CACNB2: variants seen among roughly 807,000 people sequenced by gnomAD.
The protein encoded by CACNB2 is calcium voltage-gated channel auxiliary subunit beta 2.
A neutral mutation model predicts 73.3 loss-of-function variants in CACNB2; 42 were observed. The observed-to-expected ratio is 0.57, with a 90% CI of 0.45 to 0.74. The LOEUF is 0.74. Ranked by LOEUF, CACNB2 falls within the 30% of genes least tolerant of loss-of-function variation. The pLI is 0.00. For missense variants in CACNB2, 940 were observed against 853.0 expected, an observed-to-expected ratio of 1.10 and a Z score of -1.27; for synonymous variants, 348 against 310.3, an observed-to-expected ratio of 1.12 and a Z score of -1.28.
At chr10:18,370,837 A>G (rs767884111) in intron 2 of CACNB2, among the ~76,000 whole-genome samples, 25 of 152,242 alleles carry the variant, frequency 1.6e-4, no homozygotes, top group Non-Finnish European at 2.6e-4. Flanking sequence ...ACGCAGGCAC[A>G]TATTTGTATA....
At chr10:18,458,763 C>CTTTTT (rs371122031) in intron 3 of CACNB2, among the ~76,000 whole-genome samples, 3 of 122,624 alleles carry the variant, frequency 2.4e-5, no homozygotes, top group African/African-American at 6.0e-5. Flanking sequence ...GTAAGGTGAA[C>CTTTTT]TTTTTTTTTT....
chr10:18,267,411 G>T (rs2037859919), intron 2 of CACNB2, among the ~76,000 whole-genome samples: 1 of 152,112 alleles, frequency 6.6e-6, no homozygotes, highest in Non-Finnish European at 1.5e-5. Flanking sequence ...TTCAAGACCA[G>T]CCTGGCCAAC....
intron 3 of CACNB2, among the ~76,000 whole-genome samples, chr10:18,421,484 G>A (rs1212517780): frequency 6.6e-6 from 1 of 151,938 alleles, no homozygotes; most frequent in African/African-American, 2.4e-5. Flanking sequence ...TTTTTTAGTA[G>A]AGACAGAGTT....
rs1433168659 is a variant in CACNB2, at chr10:18,220,201, G to A, written c.213+69226G>A. Among the ~76,000 whole-genome samples the A allele has an allele frequency of 8.1e-4, 19 of 23,318 alleles. 2 individuals are homozygous for A. Among genetic ancestry groups the A allele is most frequent in the African/African-American group, 3.6e-3 (13 of 3,632 alleles). The allele number at this position is 23,318 out of a possible 152,430, so 15.3% of individuals were successfully genotyped here. On this transcript the variant is annotated intron_variant, in intron 2 of 13. Coordinates refer to ENST00000324631, the MANE Select transcript of CACNB2 (RefSeq NM_201596.3). ...CATATATATACATATATATGTGTGT[G>A]TATATATATATATATATATATATAT...
intron 2 of CACNB2, among the ~76,000 whole-genome samples, chr10:18,289,657 T>A (rs1179433899): frequency 2.0e-5 from 3 of 152,174 alleles, no homozygotes; most frequent in African/African-American, 7.2e-5. Flanking sequence ...GAGAACATTT[T>A]CAGCAAATGG....
chr10:18,492,184 C>T (rs1306169415), intron 3 of CACNB2, among the ~76,000 whole-genome samples: 3 of 152,118 alleles, frequency 2.0e-5, no homozygotes, highest in East Asian at 1.9e-4. Flanking sequence ...GAGAACAGCA[C>T]CAAAGGGGAA....
intron 2 of CACNB2, among the ~76,000 whole-genome samples, chr10:18,157,404 G>C (rs757593387): frequency 6.6e-6 from 1 of 152,094 alleles, no homozygotes; most frequent in Admixed American, 6.5e-5. Context: ...CTCAAAATTA[G>C]GTGTAAGGAT....
intron 3 of CACNB2, among the ~76,000 whole-genome samples, chr10:18,463,330 C>T (rs2047682756): frequency 6.6e-6 from 1 of 151,928 alleles, no homozygotes; most frequent in South Asian, 2.1e-4. Context: ...TCAAGATCAG[C>T]CTGGACAATA....
In CACNB2 at chr10:18,543,043, G is replaced by A. The variant is rs2054132997; in HGVS notation, c.*3319G>A. On this transcript the variant is annotated 3_prime_UTR_variant, in exon 14 of 14. Coordinates refer to ENST00000324631, the MANE Select transcript of CACNB2 (RefSeq NM_201596.3). Reference sequence around the variant, plus strand: ...CCACATTTTTAACATGGTCTGCTATGCATTCCTGTTAAACATTCACTGTCA... The same window carrying A: ...CCACATTTTTAACATGGTCTGCTATACATTCCTGTTAAACATTCACTGTCA... 1 of 152,042 alleles carries A rather than the reference G, an allele frequency of 6.6e-6. No homozygotes were observed. Among genetic ancestry groups the A allele is most frequent in the African/African-American group, 2.4e-5 (1 of 41,422 alleles). 9.4% of individuals were successfully genotyped at this position (152,042 alleles called of 1,614,324 possible).
chr10:18,449,617 TAC>T (rs2132596846), intron 3 of CACNB2, among the ~76,000 whole-genome samples: 1 of 152,352 alleles, frequency 6.6e-6, no homozygotes, highest in South Asian at 2.1e-4. Flanking sequence ...ATCTCCATTT[TAC>T]AGTTAAAGAA....
At chr10:18,322,648 T>C (rs1397925004) in intron 2 of CACNB2, among the ~76,000 whole-genome samples, 3 of 152,150 alleles carry the variant, frequency 2.0e-5, no homozygotes, top group Admixed American at 6.6e-5. Context: ...GATTTCAAAG[T>C]GAATATGAAA....
At chr10:18,189,400 A>G (rs776932718) in intron 2 of CACNB2, among the ~76,000 whole-genome samples, 3 of 152,202 alleles carry the variant, frequency 2.0e-5, no homozygotes, top group South Asian at 2.1e-4. Flanking sequence ...ACATTCTTCC[A>G]GAGTTTTTTG....
At chr10:18,236,852 A>G (rs1443782523) in intron 2 of CACNB2, among the ~76,000 whole-genome samples, 2 of 152,096 alleles carry the variant, frequency 1.3e-5, no homozygotes, top group Admixed American at 1.3e-4. Context: ...CCTCTCGGCT[A>G]AGGATCTCCT....
Position 18,534,058 on chromosome 10 carries a change from T to A in CACNB2, c.1055-18T>A. 1 of 1,613,858 alleles carries A rather than the reference T, an allele frequency of 6.2e-7. No individual in the cohort carries two copies. The highest frequency in any genetic ancestry group is 8.5e-7 in the Non-Finnish European group (1 of 1,179,750). ...TTAAAAATACTGCACTTTAACTGAA[T>A]TGTTTCGCCCTTTACAGCGGAAGTT... is the stretch of plus-strand genomic sequence containing the variant. On this transcript the variant is annotated intron_variant, in intron 10 of 13. Coordinates refer to ENST00000324631, the MANE Select transcript of CACNB2 (RefSeq NM_201596.3).
chr10:18,520,373 A>T (rs1473438223), intron 9 of CACNB2, among the ~76,000 whole-genome samples: 1 of 152,208 alleles, frequency 6.6e-6, no homozygotes, highest in Non-Finnish European at 1.5e-5. Context: ...TTCAAAATAT[A>T]TTCAGAATCG....
intron 2 of CACNB2, among the ~76,000 whole-genome samples, chr10:18,179,560 A>T (rs2033772007): frequency 6.6e-6 from 1 of 151,934 alleles, no homozygotes. Flanking sequence ...CTTTTCATTA[A>T]ATTTTTTAGG....
At chr10:18,447,365 G>A (rs546585398) in intron 3 of CACNB2, among the ~76,000 whole-genome samples, 3 of 152,298 alleles carry the variant, frequency 2.0e-5, no homozygotes, top group African/African-American at 7.2e-5. Context: ...TTAATCTGGG[G>A]TTATCACCTA....
chr10:18,319,718 A>T (rs1262508221), intron 2 of CACNB2, among the ~76,000 whole-genome samples: 2 of 152,176 alleles, frequency 1.3e-5, no homozygotes, highest in Non-Finnish European at 2.9e-5. Flanking sequence ...AAATAAACAA[A>T]CCAAATAAAC....
Position 18,539,273 on chromosome 10 carries a change from G to C in CACNB2, c.1532G>C (p.Arg511Pro). 6.2e-7 allele frequency: 1 copy of C among 1,613,778 alleles called. No individual in the cohort carries two copies. The highest frequency in any genetic ancestry group is 8.5e-7 in the Non-Finnish European group (1 of 1,179,944). Residue 511 changes from arginine to proline, a missense_variant, in exon 14 of 14, where the codon CGT becomes CCT. Transcript: ENST00000324631. ...AGGACTGATCGCTCCGCTCCTATCC[G>C]TTCTGCTTCCCAAGCTGAAGAAGAA... ...DQRTDRSAPIRSASQAEEEPS... is the reference protein window; with the variant it reads ...DQRTDRSAPIPSASQAEEEPS...
Sources: allele counts gnomAD v4.1 joint callset (sites outside exome capture counted in the v4.1 genomes callset), GRCh38; gene constraint gnomAD v4.1.1; transcripts MANE v1.5; gene names NCBI Gene and HGNC (gene_info 2026-07-23, HGNC 2026-07-21).